EYS: variants seen among roughly 807,000 people sequenced by gnomAD.
EYS encodes EGF-like photoreceptor maintenance factor.
In EYS, 250 loss-of-function variants were observed where a neutral mutation model predicts 282.1. The ratio of observed to expected loss-of-function variants is 0.89; its 90% CI spans 0.80 to 0.98. The LOEUF is 0.98. Among genes scored for constraint, EYS ranks in the 50% least tolerant of loss-of-function variants. The pLI, the probability that EYS is intolerant of heterozygous loss-of-function variation, is 0.00. For synonymous variants in EYS, 1,355 were observed against 1,282.9 expected (o/e 1.06, Z -1.20); for missense variants, 4,016 against 3,709.0 (o/e 1.08, Z -2.15).
chr6:64,955,932 G>C (rs1397445995), intron 14 of EYS, among the ~76,000 whole-genome samples: 1 of 152,008 alleles, frequency 6.6e-6, no homozygotes, highest in Non-Finnish European at 1.5e-5. Flanking sequence ...CTCACTCTCT[G>C]GTGTCCACAT....
intron 1 of EYS, among the ~76,000 whole-genome samples, chr6:65,663,949 G>A (rs71572545): frequency 0.14 from 19,213 of 138,540 alleles, 1,449 homozygotes; most frequent in South Asian, 0.3. Flanking sequence ...TCGGATCACT[G>A]CAAGCTCCGC....
intron 2 of EYS, among the ~76,000 whole-genome samples, chr6:65,593,814 T>C (rs1451632297): frequency 6.6e-6 from 1 of 151,960 alleles, no homozygotes; most frequent in Non-Finnish European, 1.5e-5. Context: ...TATTTTACTT[T>C]ATAATTATAA....
chr6:64,682,570 T>C lies in EYS; in HGVS notation c.3444-56325A>G, dbSNP rs533764792. On this transcript the variant is annotated intron_variant, in intron 22 of 42. Coordinates refer to ENST00000503581, the MANE Select transcript of EYS (RefSeq NM_001142800.2). ...TTCCAGGGGCAGTTCATCAGAAAAG[T>C]GAAGAAAGCCTCACATGGACATGCC... is the stretch of plus-strand genomic sequence containing the variant. 9.7e-4 allele frequency among the ~76,000 whole-genome samples: 147 copies of C among 152,106 alleles called. 1 individual carries two copies. The highest frequency in any genetic ancestry group is 6.8e-3 in the Middle Eastern group (2 of 294).
intron 1 of EYS, among the ~76,000 whole-genome samples, chr6:65,697,964 G>A (rs1437153491): frequency 6.6e-6 from 1 of 152,064 alleles, no homozygotes; most frequent in Non-Finnish European, 1.5e-5. Flanking sequence ...TAACAAATAC[G>A]ACATTTATTT....
intron 26 of EYS, among the ~76,000 whole-genome samples, chr6:64,515,800 A>T (rs1054511395): frequency 2.0e-5 from 3 of 150,994 alleles, no homozygotes; most frequent in Non-Finnish European, 3.0e-5. Context: ...TTATTTAAAT[A>T]AAAAAAAACC....
At chr6:64,439,713 T>A (rs1022417065) in intron 26 of EYS, among the ~76,000 whole-genome samples, 1 of 151,872 alleles carries the variant, frequency 6.6e-6, no homozygotes, top group African/African-American at 2.4e-5. Context: ...ATATTGTTAA[T>A]AATTTAATTT....
chr6:64,455,435 A>G (rs1028244337), intron 26 of EYS, among the ~76,000 whole-genome samples: 1 of 138,046 alleles, frequency 7.2e-6, no homozygotes. Context: ...CTTTTGTTTT[A>G]TTATTATTAT....
At chr6:63,863,668 CTT>C (rs201931771) in intron 36 of EYS, among the ~76,000 whole-genome samples, 3,620 of 68,792 alleles carry the variant, frequency 0.053, 88 homozygotes, top group Non-Finnish European at 0.067. Flanking sequence ...CTTTTCTTTT[CTT>C]TTTTCTTTTT....
intron 30 of EYS, among the ~76,000 whole-genome samples, chr6:64,259,436 C>T (rs958298988): frequency 6.6e-6 from 1 of 151,978 alleles, no homozygotes; most frequent in African/African-American, 2.4e-5. Context: ...GTTCTCCCAG[C>T]CTCTTGCCAG....
chr6:64,687,835 G>C (rs1770213811), intron 22 of EYS, among the ~76,000 whole-genome samples: 1 of 152,116 alleles, frequency 6.6e-6, no homozygotes, highest in Admixed American at 6.6e-5. Flanking sequence ...ATTCGGCAGT[G>C]AATCAGTCTG....
At chr6:65,344,261 A>G (rs1244316639) in intron 9 of EYS, 84 bp from the exon 10 acceptor site, 1 of 1,129,440 alleles carries the variant, frequency 8.9e-7, no homozygotes, top group Non-Finnish European at 1.3e-6. Flanking sequence ...TGGTCAAATT[A>G]CTTGAAAAGA....
chr6:65,175,373 A>G (rs995824610), intron 12 of EYS, among the ~76,000 whole-genome samples: 3 of 151,422 alleles, frequency 2.0e-5, no homozygotes, highest in African/African-American at 7.2e-5. Context: ...AGTTAAAGTT[A>G]CAAACTATGC....
At chr6:64,634,132 C>T (rs139567092) in intron 22 of EYS, among the ~76,000 whole-genome samples, 2,247 of 152,144 alleles carry the variant, frequency 0.015, 44 homozygotes, top group East Asian at 0.096. Context: ...TACAGGTGTG[C>T]GCCACCAAGC....
At chr6:64,434,764 A>G (rs1366193808) in intron 28 of EYS, among the ~76,000 whole-genome samples, 2 of 152,144 alleles carry the variant, frequency 1.3e-5, no homozygotes, top group African/African-American at 4.8e-5. Flanking sequence ...ACATTCATAT[A>G]TGTAATACAA....
chr6:65,070,308 C>A (rs1448796239), intron 12 of EYS, among the ~76,000 whole-genome samples: 1 of 151,836 alleles, frequency 6.6e-6, no homozygotes, highest in Admixed American at 6.6e-5. Flanking sequence ...TGTCTCAAAT[C>A]CTCTTAAGGT....
intron 26 of EYS, among the ~76,000 whole-genome samples, chr6:64,459,774 T>C (rs1272607479): frequency 3.9e-5 from 6 of 152,220 alleles, no homozygotes; most frequent in Non-Finnish European, 2.9e-5. Flanking sequence ...GCTGATTAGA[T>C]AGTGCCAGCC....
At chr6:65,335,250 G>C in intron 10 of EYS, 104 bp from the exon 11 acceptor site, 4 of 836,222 alleles carry the variant, frequency 4.8e-6, no homozygotes, top group Non-Finnish European at 6.0e-6. Flanking sequence ...TGTCTACTAA[G>C]ATGAAACCTA....
chr6:64,318,371 T>C (rs908370790), intron 29 of EYS, among the ~76,000 whole-genome samples: 3 of 152,060 alleles, frequency 2.0e-5, no homozygotes, highest in Non-Finnish European at 4.4e-5. Flanking sequence ...CCATACTGTA[T>C]AAGCAGTTTC....
chr6:64,562,803 A>G lies in EYS; in HGVS notation c.5644+27420T>C, dbSNP rs551821280. Among the ~76,000 whole-genome samples the G allele has an allele frequency of 2.0e-5, 3 of 152,042 alleles. No homozygotes were observed. In the East Asian group the frequency reaches 5.8e-4, roughly 29 times the overall value. ...TAACACAATTTTTAGTATATAATTC[A>G]CATTCTTTCATTTAAAACAATACTT... On this transcript the variant is annotated intron_variant, in intron 26 of 42. Coordinates refer to ENST00000503581, the MANE Select transcript of EYS (RefSeq NM_001142800.2).
Sources: allele counts gnomAD v4.1 joint callset (sites outside exome capture counted in the v4.1 genomes callset), GRCh38; gene constraint gnomAD v4.1.1; transcripts MANE v1.5; gene names NCBI Gene and HGNC (gene_info 2026-07-23, HGNC 2026-07-21).